The following CNTN5 variants were observed in gnomAD, a reference collection of about 807,000 sequenced individuals.
The protein encoded by CNTN5 is contactin 5.
In CNTN5, 77 loss-of-function variants were observed where a neutral mutation model predicts 129.1. The ratio of observed to expected loss-of-function variants is 0.60; its 90% CI spans 0.50 to 0.72. CNTN5 has a LOEUF of 0.72. Among genes scored for constraint, CNTN5 ranks in the 30% least tolerant of loss-of-function variants. The pLI is 0.00. For synonymous variants in CNTN5, 509 were observed against 465.6 expected, an observed-to-expected ratio of 1.09 and a Z score of -1.20; for missense variants, 1,478 against 1,328.8, an observed-to-expected ratio of 1.11 and a Z score of -1.75.
chr11:99,184,806 C>G (rs568042933), intron 1 of CNTN5, among the ~76,000 whole-genome samples: 1 of 151,988 alleles, frequency 6.6e-6, no homozygotes, highest in South Asian at 2.1e-4. Flanking sequence ...AGCCCTATAC[C>G]TAAAAATAGC....
At chr11:99,895,698 A>G (rs1357040384) in intron 6 of CNTN5, among the ~76,000 whole-genome samples, 2 of 152,130 alleles carry the variant, frequency 1.3e-5, no homozygotes, top group Admixed American at 6.5e-5. Flanking sequence ...CACTTCTGCC[A>G]TGGACTTTTG....
chr11:99,077,822 A>T (rs1410001143), intron 1 of CNTN5, among the ~76,000 whole-genome samples: 5 of 152,184 alleles, frequency 3.3e-5, no homozygotes, highest in Admixed American at 3.3e-4. Context: ...CTTGTGAAGA[A>T]GGTGCCTTGC....
chr11:99,188,920 A>G (rs1278990785), intron 1 of CNTN5, among the ~76,000 whole-genome samples: 1 of 151,700 alleles, frequency 6.6e-6, no homozygotes, highest in Non-Finnish European at 1.5e-5. Context: ...AACTATCATC[A>G]TCATGTTGTA....
rs184543000 is a variant in CNTN5, at chr11:99,585,863, A to T, written c.55+29594A>T. Among the ~76,000 whole-genome samples, 472 of 152,272 alleles carry T rather than the reference A, an allele frequency of 3.1e-3. 1 individual carries two copies. The highest frequency in any genetic ancestry group is 5.1e-3 in the Non-Finnish European group (350 of 68,002). ...TTGCAAACCACTGATATATCCAAGG[A>T]AATTACTGAATTTAAAATTTCCGTG... On this transcript the variant is annotated intron_variant, in intron 3 of 24. Coordinates refer to ENST00000524871, the MANE Select transcript of CNTN5 (RefSeq NM_014361.4).
rs139508751 is a variant in CNTN5 at position 99,347,530 on chromosome 11, A to G, written c.-71+22046A>G. Among the ~76,000 whole-genome samples, 853 of 152,312 alleles carry G rather than the reference A, an allele frequency of 5.6e-3. 7 individuals carry two copies. Among genetic ancestry groups the G allele is most frequent in the Non-Finnish European group, 9.4e-3 (637 of 68,032 alleles). On this transcript the variant is annotated intron_variant, in intron 2 of 24. Transcript: ENST00000524871. ...TCTTATATCTAATAAGAGAAAGCAC[A>G]TATCATATCACTTTTCTTAGGCTGT...
chr11:99,376,698 C>T (rs1940204302), intron 2 of CNTN5, among the ~76,000 whole-genome samples: 1 of 152,100 alleles, frequency 6.6e-6, no homozygotes, highest in African/African-American at 2.4e-5. Context: ...TCGCTTACCC[C>T]TAATGTGAGT....
intron 2 of CNTN5, among the ~76,000 whole-genome samples, chr11:99,358,422 G>A (rs555208730): frequency 2.6e-5 from 4 of 151,152 alleles, no homozygotes; most frequent in Admixed American, 6.6e-5. Context: ...TTAGCCAGGC[G>A]TGGTGATGTG....
At chr11:99,376,744 T>C (rs150648358) in intron 2 of CNTN5, among the ~76,000 whole-genome samples, 9 of 152,312 alleles carry the variant, frequency 5.9e-5, no homozygotes, top group African/African-American at 1.4e-4. Context: ...TGAACTGAGA[T>C]TGATGCCCTT....
intron 3 of CNTN5, among the ~76,000 whole-genome samples, chr11:99,704,649 A>G (rs1393181068): frequency 1.3e-5 from 2 of 151,230 alleles, no homozygotes; most frequent in East Asian, 3.9e-4. Context: ...CTACGTACCT[A>G]CTACATTTAA....
At chr11:100,229,458 A>T (rs1302502061) in intron 16 of CNTN5, among the ~76,000 whole-genome samples, 2 of 152,094 alleles carry the variant, frequency 1.3e-5, no homozygotes, top group Non-Finnish European at 1.5e-5. Context: ...ACCAGTTTTT[A>T]CCTGGATAGA....
chr11:99,674,693 A>C (rs533030715), intron 3 of CNTN5, among the ~76,000 whole-genome samples: 1 of 152,274 alleles, frequency 6.6e-6, no homozygotes, highest in East Asian at 1.9e-4. Flanking sequence ...GATTGTCTCG[A>C]GGCTTTTCTA....
chr11:99,449,581 A>C (rs1164632939), intron 2 of CNTN5, among the ~76,000 whole-genome samples: 1 of 152,144 alleles, frequency 6.6e-6, no homozygotes, highest in East Asian at 1.9e-4. Context: ...AAAATAATTT[A>C]TTATTTCTCA....
At chr11:99,838,639 A>T (rs530852034) in intron 4 of CNTN5, among the ~76,000 whole-genome samples, 2 of 152,186 alleles carry the variant, frequency 1.3e-5, no homozygotes. Flanking sequence ...TGAAAACTTT[A>T]CAAAGGGAGG....
At chr11:99,139,344 C>T (rs568257484) in intron 1 of CNTN5, among the ~76,000 whole-genome samples, 3 of 152,196 alleles carry the variant, frequency 2.0e-5, no homozygotes, top group African/African-American at 7.2e-5. Flanking sequence ...GAGAAACTTG[C>T]AAACACAGGA....
chr11:99,560,395 A>T lies in CNTN5; in HGVS notation c.55+4126A>T, dbSNP rs1948803916. Among the ~76,000 whole-genome samples, 8 of 151,762 alleles carry T rather than the reference A, an allele frequency of 5.3e-5. No individual in the cohort carries two copies. The South Asian group carries it at 1.7e-3, about 32-fold the overall frequency. On this transcript the variant is annotated intron_variant, in intron 3 of 24. Coordinates refer to ENST00000524871, the MANE Select transcript of CNTN5 (RefSeq NM_014361.4). Reference sequence around the variant, plus strand: ...GCCATCTCTGCCTCCGGGTTCAAGAAATTCTCCTGCCTCAGACTCCCGAGT... The same window carrying T: ...GCCATCTCTGCCTCCGGGTTCAAGATATTCTCCTGCCTCAGACTCCCGAGT...
intron 13 of CNTN5, among the ~76,000 whole-genome samples, chr11:100,088,720 A>C (rs931286111): frequency 2.0e-5 from 3 of 152,112 alleles, no homozygotes; most frequent in African/African-American, 7.2e-5. Flanking sequence ...ACCAGTATCC[A>C]GTTCCAAAAT....
At chr11:99,508,406 G>A (rs140236323) in intron 2 of CNTN5, among the ~76,000 whole-genome samples, 1 of 152,024 alleles carries the variant, frequency 6.6e-6, no homozygotes, top group Non-Finnish European at 1.5e-5. Context: ...TGTGGAACCC[G>A]TGGACACAGA....
At chr11:99,115,574 A>G (rs1591216045) in intron 1 of CNTN5, among the ~76,000 whole-genome samples, 1 of 152,134 alleles carries the variant, frequency 6.6e-6, no homozygotes, top group Non-Finnish European at 1.5e-5. Flanking sequence ...AGCCTGGCCA[A>G]CATGGCAAAA....
chr11:99,802,568 A>C (rs1416106194), intron 3 of CNTN5, among the ~76,000 whole-genome samples: 2 of 152,110 alleles, frequency 1.3e-5, no homozygotes, highest in African/African-American at 4.8e-5. Flanking sequence ...CGGGGGTTGG[A>C]AGGAAACCTA....
Sources: allele counts gnomAD v4.1 joint callset (sites outside exome capture counted in the v4.1 genomes callset), GRCh38; gene constraint gnomAD v4.1.1; transcripts MANE v1.5; gene names NCBI Gene and HGNC (gene_info 2026-07-23, HGNC 2026-07-21).